Variants in GINS1 observed in about 807,000 individuals in gnomAD.
GINS1 encodes DNA replication complex GINS protein PSF1.
GINS1 carries 26 observed loss-of-function variants against 34.9 expected under a neutral mutation model. That is an observed-to-expected ratio of 0.74 (90% CI 0.55 to 1.03). GINS1 has a LOEUF of 1.03. Ranked by LOEUF, GINS1 falls within the 50% of genes least tolerant of loss-of-function variation. The pLI is 0.00. For missense variants in GINS1, 235 were observed against 237.9 expected, an observed-to-expected ratio of 0.99 and a Z score of 0.08; for synonymous variants, 97 against 84.4, an observed-to-expected ratio of 1.15 and a Z score of -0.82.
chr20:25,414,189 C>CAAAA (rs58400500), intron 2 of GINS1, among the ~76,000 whole-genome samples: 1,803 of 67,580 alleles, frequency 0.027, 113 homozygotes, highest in African/African-American at 0.094. Context: ...ACTCTGTCTC[C>CAAAA]AAAAAAAAAA....
chr20:25,410,142 C>T (rs1028398824), intron 1 of GINS1, among the ~76,000 whole-genome samples: 1 of 151,976 alleles, frequency 6.6e-6, no homozygotes, highest in Non-Finnish European at 1.5e-5. Flanking sequence ...GAGATTGAGA[C>T]CATCCTGGCT....
In GINS1 at chr20:25,423,614, T is replaced by C. The variant is rs551021331; in HGVS notation, c.331-1597T>C. On this transcript the variant is annotated intron_variant, in intron 4 of 6. Transcript: ENST00000262460. ...CTCCCAAGATATTTTTCTTCTCTCT[T>C]TTTTTTTTTTTTTTTCCGAGACGGA... Among the ~76,000 whole-genome samples, 78 of 68,684 alleles carry C rather than the reference T, an allele frequency of 1.1e-3. No homozygotes were observed. In the South Asian group the frequency reaches 0.015, roughly 13 times the overall value. The allele number at this position is 68,684 out of a possible 152,430, so 45.1% of individuals were successfully genotyped here.
chr20:25,424,171 CTGT>C (rs2090377073), intron 4 of GINS1, among the ~76,000 whole-genome samples: 1 of 152,176 alleles, frequency 6.6e-6, no homozygotes, highest in Non-Finnish European at 1.5e-5. Flanking sequence ...GCTAGTCTAT[CTGT>C]TCTTATACCA....
At chr20:25,408,593 C>G (rs369057560) in intron 1 of GINS1, among the ~76,000 whole-genome samples, 1 of 152,268 alleles carries the variant, frequency 6.6e-6, no homozygotes, top group African/African-American at 2.4e-5. Flanking sequence ...TACCATGGCT[C>G]CTGCCTGTAA....
chr20:25,413,575 G>A, intron 1 of GINS1: 1 of 542,744 alleles, frequency 1.8e-6, no homozygotes. Context: ...TTGCCCACAG[G>A]GCTATACCGT....
chr20:25,430,688 A>T (rs149444648), intron 5 of GINS1, among the ~76,000 whole-genome samples: 84 of 152,190 alleles, frequency 5.5e-4, no homozygotes, highest in African/African-American at 1.9e-3. Context: ...GTGCCACCAC[A>T]CCCGGCTAAT....
At chr20:25,428,422 G>C (rs1302973121) in intron 5 of GINS1, among the ~76,000 whole-genome samples, 2 of 8,506 alleles carry the variant, frequency 2.4e-4, no homozygotes, top group Non-Finnish European at 6.0e-4. Flanking sequence ...TTTTTTTTTT[G>C]AGACAGAGTC....
intron 5 of GINS1, among the ~76,000 whole-genome samples, chr20:25,437,911 G>T (rs1165645416): frequency 6.6e-6 from 1 of 152,070 alleles, no homozygotes; most frequent in East Asian, 1.9e-4. Context: ...CTGAGGTCAG[G>T]AGTTTGAGAC....
At chr20:25,444,073 G>T (rs2090498102) in intron 6 of GINS1, among the ~76,000 whole-genome samples, 1 of 150,626 alleles carries the variant, frequency 6.6e-6, no homozygotes, top group South Asian at 2.1e-4. Flanking sequence ...GTGCAGTGGC[G>T]TGATCTTGGC....
chr20:25,429,542 GTTAAT>G (rs2090415434), intron 5 of GINS1, among the ~76,000 whole-genome samples: 1 of 151,746 alleles, frequency 6.6e-6, no homozygotes, highest in South Asian at 2.1e-4. Context: ...CTCCTCTTTC[GTTAAT>G]TTAATTTCTA....
intron 5 of GINS1, among the ~76,000 whole-genome samples, chr20:25,426,862 T>G (rs1192305993): frequency 2.0e-5 from 3 of 152,160 alleles, no homozygotes; most frequent in Non-Finnish European, 2.9e-5. Context: ...GTAATATTCC[T>G]TTTTCTGGCT....
At chr20:25,420,869 A>C in intron 4 of GINS1, 2 of 978,896 alleles carry the variant, frequency 2.0e-6, no homozygotes, top group Non-Finnish European at 2.4e-6. Context: ...GAAACACTGA[A>C]GGATGAGAAG....
At chr20:25,430,016 G>A (rs986822304) in intron 5 of GINS1, among the ~76,000 whole-genome samples, 15 of 152,140 alleles carry the variant, frequency 9.9e-5, no homozygotes, top group African/African-American at 2.2e-4. Context: ...AGGTTCAAGC[G>A]ATTCTCCTGC....
At chr20:25,436,666 A>G (rs1018314868) in intron 5 of GINS1, among the ~76,000 whole-genome samples, 7 of 151,866 alleles carry the variant, frequency 4.6e-5, no homozygotes, top group African/African-American at 1.2e-4. Context: ...TAGGTTTTCT[A>G]TTTCTCTACT....
chr20:25,419,662 AT>A (rs1313616951), intron 4 of GINS1: 12 of 691,702 alleles, frequency 1.7e-5, no homozygotes, highest in East Asian at 1.0e-4. Flanking sequence ...TTTTAGATTA[AT>A]TTTTTTGTGT....
At chr20:25,423,453 T>C (rs867799697) in intron 4 of GINS1, among the ~76,000 whole-genome samples, 39 of 8,804 alleles carry the variant, frequency 4.4e-3, no homozygotes, top group Admixed American at 0.01. Flanking sequence ...TTTTCTTTTC[T>C]TTTTTTTTTT....
chr20:25,426,325 A>G (rs545566073), intron 5 of GINS1, among the ~76,000 whole-genome samples: 1 of 151,788 alleles, frequency 6.6e-6, no homozygotes, highest in Non-Finnish European at 1.5e-5. Flanking sequence ...GCGCTTTGGG[A>G]GGCTGAGGAA....
intron 5 of GINS1, among the ~76,000 whole-genome samples, chr20:25,435,537 A>C (rs1217044201): frequency 1.3e-5 from 2 of 151,996 alleles, no homozygotes; most frequent in Non-Finnish European, 2.9e-5. Context: ...AGGCAGGCAG[A>C]TCACAAGGTC....
At chr20:25,436,432 CT>C (rs2090455166) in intron 5 of GINS1, among the ~76,000 whole-genome samples, 1 of 152,108 alleles carries the variant, frequency 6.6e-6, no homozygotes, top group South Asian at 2.1e-4. Flanking sequence ...GCCCCTTTGT[CT>C]TTCTCTTCTT....
Sources: allele counts gnomAD v4.1 joint callset (sites outside exome capture counted in the v4.1 genomes callset), GRCh38; gene constraint gnomAD v4.1.1; transcripts MANE v1.5; gene names NCBI Gene and HGNC (gene_info 2026-07-23, HGNC 2026-07-21).